Variants in TMEM132D observed in about 807,000 individuals in gnomAD.
TMEM132D encodes transmembrane protein 132D.
TMEM132D carries 21 observed loss-of-function variants against 62.3 expected under a neutral mutation model. That is an observed-to-expected ratio of 0.34 (90% CI 0.24 to 0.49). TMEM132D has a LOEUF of 0.49. TMEM132D is among the 20% of genes least tolerant of loss of function. TMEM132D has a pLI of 0.99. For synonymous variants in TMEM132D, 621 were observed against 575.6 expected, an observed-to-expected ratio of 1.08 and a Z score of -1.13; for missense variants, 1,346 against 1,402.8, an observed-to-expected ratio of 0.96 and a Z score of 0.65.
At chr12:129,502,641 C>A (rs1395491350) in intron 3 of TMEM132D, among the ~76,000 whole-genome samples, 1 of 152,036 alleles carries the variant, frequency 6.6e-6, no homozygotes, top group African/African-American at 2.4e-5. Flanking sequence ...TATATGATAT[C>A]AAATTAATCT....
At chr12:129,771,392 A>T (rs1225211280) in intron 1 of TMEM132D, among the ~76,000 whole-genome samples, 1 of 152,198 alleles carries the variant, frequency 6.6e-6, no homozygotes, top group Admixed American at 6.5e-5. Context: ...GATAACATAC[A>T]TAAGCTGCTT....
At chr12:129,222,151 G>A (rs1006826904) in intron 4 of TMEM132D, among the ~76,000 whole-genome samples, 5 of 152,096 alleles carry the variant, frequency 3.3e-5, no homozygotes, top group Non-Finnish European at 7.3e-5. Context: ...TCTACCTTTG[G>A]GGAGGCAGCA....
At chr12:129,803,348 C>T (rs1005582893) in intron 1 of TMEM132D, among the ~76,000 whole-genome samples, 6 of 151,778 alleles carry the variant, frequency 4.0e-5, no homozygotes, top group South Asian at 2.1e-4. Context: ...TCTCTCAGAC[C>T]ACAGTGCAAT....
intron 1 of TMEM132D, among the ~76,000 whole-genome samples, chr12:129,824,044 G>A (rs751427154): frequency 7.9e-5 from 12 of 152,118 alleles, no homozygotes; most frequent in East Asian, 1.9e-4. Context: ...ACACTCTACC[G>A]TGGGCCAGTT....
chr12:129,601,449 T>G (rs1352401066), intron 2 of TMEM132D, among the ~76,000 whole-genome samples: 2 of 152,202 alleles, frequency 1.3e-5, no homozygotes, highest in Non-Finnish European at 2.9e-5. Flanking sequence ...GAACTTTTTC[T>G]CCACGTTCGA....
At position 129,072,443 on chromosome 12, in the gene TMEM132D, CA is replaced by C. The variant is rs1270036704; in HGVS notation, c.*1431del. On this transcript the variant is annotated 3_prime_UTR_variant, in exon 9 of 9. Coordinates refer to ENST00000422113, the MANE Select transcript of TMEM132D (RefSeq NM_133448.3). ...TCTGATGTATCCTTGCCCCCATCTT[CA>C]TAGGCTTCATAAGTGAAGGGATTCA... 1 of 152,380 alleles carries C rather than the reference CA, an allele frequency of 6.6e-6. No individual in the cohort carries two copies. Among genetic ancestry groups the C allele is most frequent in the Non-Finnish European group, 1.5e-5 (1 of 68,098 alleles). The allele number at this position is 152,380 out of a possible 1,614,324, so 9.4% of individuals were successfully genotyped here. A position where few individuals can be genotyped will look rare whatever the true frequency, so the allele number is the denominator to read the frequency against.
rs372456663 is a variant in TMEM132D, at chr12:129,081,955, A to G, written c.1727T>C (p.Met576Thr). The change falls in exon 7 of 9, where the codon ATG becomes ACG. Residue 576 changes from methionine to threonine, a missense_variant. Met to Thr is a moderately conservative substitution (Grantham distance 81). Transcript: ENST00000422113. ...RGCTLQYQHA[M>T]VRVLTQFVAE... ...CACAAACTGCGTCAGGACCCGCACC[A>G]TGGCGTGCTGGTACTGCAGGGTGCA... is the stretch of plus-strand genomic sequence containing the variant. The G allele has an allele frequency of 4.3e-6, 7 of 1,613,916 alleles. No individual in the cohort carries two copies. Among genetic ancestry groups the G allele is most frequent in the Non-Finnish European group, 5.9e-6 (7 of 1,180,036 alleles).
At chr12:129,813,411 T>C (rs1045865589) in intron 1 of TMEM132D, among the ~76,000 whole-genome samples, 1 of 151,670 alleles carries the variant, frequency 6.6e-6, no homozygotes, top group Non-Finnish European at 1.5e-5. Context: ...AATGTATTCC[T>C]GCAAATAAAA....
chr12:129,624,387 CT>C (rs972008603), intron 2 of TMEM132D, among the ~76,000 whole-genome samples: 2 of 152,198 alleles, frequency 1.3e-5, no homozygotes, highest in Admixed American at 1.3e-4. Flanking sequence ...ATTGTGAAGA[CT>C]TTTATGAAGA....
At chr12:129,432,422 T>C (rs1872689406) in intron 3 of TMEM132D, among the ~76,000 whole-genome samples, 1 of 152,202 alleles carries the variant, frequency 6.6e-6, no homozygotes, top group South Asian at 2.1e-4. Flanking sequence ...GAGTGGGTTT[T>C]TGTTTGTGTT....
intron 2 of TMEM132D, among the ~76,000 whole-genome samples, chr12:129,538,133 A>G (rs1876456289): frequency 6.6e-6 from 1 of 152,228 alleles, no homozygotes; most frequent in Non-Finnish European, 1.5e-5. Flanking sequence ...AGGAAGTTAA[A>G]TATCTTCAGA....
At chr12:129,125,741 G>A (rs1482107315) in intron 5 of TMEM132D, among the ~76,000 whole-genome samples, 1 of 151,720 alleles carries the variant, frequency 6.6e-6, no homozygotes, top group African/African-American at 2.4e-5. Context: ...GGACTCAAGC[G>A]ATCCGCTCGC....
In TMEM132D at chr12:129,331,269, G is replaced by A. The variant is rs1411084647; in HGVS notation, c.1299+6365C>T. Among the ~76,000 whole-genome samples, 5 of 152,224 alleles carry A rather than the reference G, an allele frequency of 3.3e-5. No homozygotes were observed. In the East Asian group the frequency reaches 9.6e-4, roughly 29 times the overall value. On this transcript the variant is annotated intron_variant, in intron 4 of 8. Coordinates refer to ENST00000422113, the MANE Select transcript of TMEM132D (RefSeq NM_133448.3). ...TTCACTTTTGTTTAAGAGCTCTGCGGTCTTCCCCAGGATCTTCAGGGCTGG... is the reference window on the plus strand; with the variant it reads ...TTCACTTTTGTTTAAGAGCTCTGCGATCTTCCCCAGGATCTTCAGGGCTGG...
intron 2 of TMEM132D, among the ~76,000 whole-genome samples, chr12:129,549,851 G>A (rs973921405): frequency 7.9e-5 from 12 of 152,170 alleles, no homozygotes; most frequent in Admixed American, 5.9e-4. Context: ...TGCTCTGTTA[G>A]CTCATGCCCT....
intron 3 of TMEM132D, among the ~76,000 whole-genome samples, chr12:129,348,648 C>G (rs1227106220): frequency 1.3e-5 from 2 of 152,132 alleles, no homozygotes; most frequent in African/African-American, 4.8e-5. Flanking sequence ...GGGCAGCAAA[C>G]CATAAGGCAC....
At chr12:129,141,799 A>AAACT (rs1303657829) in intron 5 of TMEM132D, among the ~76,000 whole-genome samples, 1 of 152,032 alleles carries the variant, frequency 6.6e-6, no homozygotes. Context: ...AAAGTTTGAA[A>AAACT]AACTAACTTT....
chr12:129,501,655 C>A (rs1424438807), intron 3 of TMEM132D, among the ~76,000 whole-genome samples: 1 of 151,970 alleles, frequency 6.6e-6, no homozygotes, highest in Non-Finnish European at 1.5e-5. Flanking sequence ...TAGATGCACA[C>A]CATCACGCCT....
chr12:129,144,163 G>A (rs1463266685), intron 5 of TMEM132D, among the ~76,000 whole-genome samples: 1 of 151,984 alleles, frequency 6.6e-6, no homozygotes, highest in Non-Finnish European at 1.5e-5. Context: ...CAAAAAAGAA[G>A]GGTGGGATCT....
intron 3 of TMEM132D, among the ~76,000 whole-genome samples, chr12:129,449,932 G>A (rs1873222372): frequency 6.6e-6 from 1 of 152,086 alleles, no homozygotes; most frequent in Non-Finnish European, 1.5e-5. Flanking sequence ...GACTCTAAAA[G>A]AGTTTCATTG....
Sources: gnomAD v4.1 joint callset for allele counts (sites outside exome capture counted in the v4.1 genomes callset) on GRCh38, gnomAD v4.1.1 for gene constraint, MANE v1.5 for transcripts, NCBI Gene and HGNC (gene_info 2026-07-23, HGNC 2026-07-21) for gene names.